The following PPP3CA variants were observed in gnomAD, a reference collection of about 807,000 sequenced individuals.
PPP3CA encodes the protein protein phosphatase 3 catalytic subunit alpha, also known as CAM-PRP catalytic subunit.
PPP3CA carries 14 observed loss-of-function variants against 66.5 expected under a neutral mutation model. That is an observed-to-expected ratio of 0.21 (90% CI 0.14 to 0.33). The LOEUF is 0.33. PPP3CA is among the 10% of genes least tolerant of loss of function. The probability of loss-of-function intolerance (pLI) is 1.00; values close to 1 mark genes in which losing one functional copy is unlikely to be tolerated. For missense variants in PPP3CA, 317 were observed against 639.5 expected (o/e 0.50, Z 5.44); for synonymous variants, 232 against 226.2 (o/e 1.03, Z -0.23).
intron 1 of PPP3CA, among the ~76,000 whole-genome samples, chr4:101,310,032 A>T (rs1050750271): frequency 2.5e-4 from 38 of 152,208 alleles, no homozygotes; most frequent in Admixed American, 5.9e-4. Flanking sequence ...TTATCATGGT[A>T]TCTAAAATCT....
At chr4:101,180,327 T>G (rs933275507) in intron 2 of PPP3CA, among the ~76,000 whole-genome samples, 1 of 152,104 alleles carries the variant, frequency 6.6e-6, no homozygotes, top group African/African-American at 2.4e-5. Flanking sequence ...ACTCATGATC[T>G]AAGAATTGGT....
At chr4:101,122,873 A>AG (rs1722073973) in intron 2 of PPP3CA, among the ~76,000 whole-genome samples, 2 of 152,162 alleles carry the variant, frequency 1.3e-5, no homozygotes, top group African/African-American at 2.4e-5. Flanking sequence ...TGAAAAAAAA[A>AG]GTTGCTTTTA....
intron 8 of PPP3CA, among the ~76,000 whole-genome samples, chr4:101,067,939 G>T (rs557544692): frequency 6.6e-6 from 1 of 152,108 alleles, no homozygotes; most frequent in East Asian, 1.9e-4. Flanking sequence ...TTTCAAGTGG[G>T]TGTCCAGAGG....
chr4:101,130,120 C>T (rs561986301), intron 2 of PPP3CA, among the ~76,000 whole-genome samples: 9 of 151,728 alleles, frequency 5.9e-5, no homozygotes, highest in African/African-American at 1.7e-4. Flanking sequence ...GAAGCAACAG[C>T]CAAATTGACC....
chr4:101,122,319 G>T (rs1722056477), intron 2 of PPP3CA, among the ~76,000 whole-genome samples: 1 of 152,140 alleles, frequency 6.6e-6, no homozygotes, highest in South Asian at 2.1e-4. Flanking sequence ...GAGTGTCAGG[G>T]TCATTAGTAC....
At chr4:101,218,870 G>A (rs1283719084) in intron 1 of PPP3CA, among the ~76,000 whole-genome samples, 1 of 151,980 alleles carries the variant, frequency 6.6e-6, no homozygotes, top group Non-Finnish European at 1.5e-5. Flanking sequence ...AGACACAAGT[G>A]AAAAATACAA....
At chr4:101,135,244 TCAA>T (rs763346458) in intron 2 of PPP3CA, among the ~76,000 whole-genome samples, 1 of 102,082 alleles carries the variant, frequency 9.8e-6, no homozygotes. Context: ...TTAATCCTTC[TCAA>T]AAAAAAAAAA....
At chr4:101,106,372 GAA>G (rs201127309) in intron 3 of PPP3CA, among the ~76,000 whole-genome samples, 1 of 48,922 alleles carries the variant, frequency 2.0e-5, no homozygotes, top group South Asian at 5.8e-4. Context: ...TTAAAAGAGA[GAA>G]AAGAAAGAAA....
chr4:101,118,830 T>C (rs1314578853), intron 2 of PPP3CA, among the ~76,000 whole-genome samples: 2 of 152,020 alleles, frequency 1.3e-5, no homozygotes, highest in Non-Finnish European at 2.9e-5. Context: ...ACTCTGTTCT[T>C]TTTACTACAT....
chr4:101,077,977 T>A (rs889869255), intron 8 of PPP3CA, among the ~76,000 whole-genome samples: 64 of 152,202 alleles, frequency 4.2e-4, no homozygotes, highest in African/African-American at 1.5e-3. Flanking sequence ...TTTGTTTTTG[T>A]GGAGTAAAAT....
chr4:101,336,781 T>C (rs1481218023), intron 1 of PPP3CA, among the ~76,000 whole-genome samples: 1 of 152,084 alleles, frequency 6.6e-6, no homozygotes, highest in Non-Finnish European at 1.5e-5. Context: ...GTATATGGAA[T>C]AGGGAGCTGC....
intron 2 of PPP3CA, among the ~76,000 whole-genome samples, chr4:101,194,122 G>T (rs1724711602): frequency 6.6e-6 from 1 of 152,066 alleles, no homozygotes; most frequent in Non-Finnish European, 1.5e-5. Context: ...CCAATATTGG[G>T]TTAATGTTCC....
intron 1 of PPP3CA, among the ~76,000 whole-genome samples, chr4:101,218,536 T>C (rs1481153651): frequency 6.6e-6 from 1 of 151,988 alleles, no homozygotes; most frequent in Non-Finnish European, 1.5e-5. Context: ...GCTCTCACCA[T>C]ATGAGGTCAA....
intron 2 of PPP3CA, among the ~76,000 whole-genome samples, chr4:101,117,442 A>T (rs1018947279): frequency 2.6e-4 from 39 of 148,572 alleles, no homozygotes; most frequent in African/African-American, 9.6e-4. Context: ...CACCACTGAG[A>T]TTTTTTTTTG....
chr4:101,305,660 C>T (rs1196464884), intron 1 of PPP3CA, among the ~76,000 whole-genome samples: 1 of 152,054 alleles, frequency 6.6e-6, no homozygotes, highest in Non-Finnish European at 1.5e-5. Context: ...AATCTATATC[C>T]TTTGAATTGA....
At chr4:101,132,513 A>G (rs1279780381) in intron 2 of PPP3CA, among the ~76,000 whole-genome samples, 2 of 152,208 alleles carry the variant, frequency 1.3e-5, no homozygotes, top group Non-Finnish European at 2.9e-5. Context: ...AAATGGATAA[A>G]TTCCTGGACA....
At chr4:101,072,872 CT>C (rs1293203884) in intron 8 of PPP3CA, among the ~76,000 whole-genome samples, 1 of 148,244 alleles carries the variant, frequency 6.7e-6, no homozygotes, top group African/African-American at 2.5e-5. Context: ...GAAGGCGGAG[CT>C]TGCAGTGAGC....
chr4:101,086,139 T>C (rs1278172422), intron 6 of PPP3CA, among the ~76,000 whole-genome samples: 3 of 152,022 alleles, frequency 2.0e-5, no homozygotes, highest in African/African-American at 7.2e-5. Context: ...ACATTGAAGA[T>C]AAAATAGAAG....
At chr4:101,326,532 T>C (rs1001580571) in intron 1 of PPP3CA, among the ~76,000 whole-genome samples, 1 of 152,196 alleles carries the variant, frequency 6.6e-6, no homozygotes. Context: ...AACAGGTGAA[T>C]CTTAAAGACT....
Sources: gnomAD v4.1 joint callset for allele counts (sites outside exome capture counted in the v4.1 genomes callset) on GRCh38, gnomAD v4.1.1 for gene constraint, MANE v1.5 for transcripts, NCBI Gene and HGNC (gene_info 2026-07-23, HGNC 2026-07-21) for gene names.